AFAP1L2: variants seen among roughly 807,000 people sequenced by gnomAD.
AFAP1L2 encodes actin filament-associated protein 1-like 2.
In AFAP1L2, 46 loss-of-function variants were observed where a neutral mutation model predicts 99.3. That is an observed-to-expected ratio of 0.46 (90% CI 0.37 to 0.59). AFAP1L2 has a LOEUF of 0.59. Ranked by LOEUF, AFAP1L2 falls within the 20% of genes least tolerant of loss-of-function variation. The probability of loss-of-function intolerance (pLI) is 0.00; values close to 1 mark genes in which losing one functional copy is unlikely to be tolerated. For missense variants in AFAP1L2, 959 were observed against 1,034.9 expected, an observed-to-expected ratio of 0.93 and a Z score of 1.01; for synonymous variants, 397 against 419.1, an observed-to-expected ratio of 0.95 and a Z score of 0.64.
intron 1 of AFAP1L2, among the ~76,000 whole-genome samples, chr10:114,382,280 A>ATGAACTGGTGCTTGC (rs60605466): frequency 5.3e-5 from 8 of 152,090 alleles, no homozygotes; most frequent in Non-Finnish European, 1.0e-4. Flanking sequence ...CCAGTGATTT[A>ATGAACTGGTGCTTGC]CATATAAAGG....
chr10:114,361,471 C>G (rs538087755), intron 1 of AFAP1L2, among the ~76,000 whole-genome samples: 1 of 152,312 alleles, frequency 6.6e-6, no homozygotes, highest in South Asian at 2.1e-4. Flanking sequence ...TTAACACAGA[C>G]TCATACCCTG....
chr10:114,358,683 G>A (rs1293816575), intron 1 of AFAP1L2, among the ~76,000 whole-genome samples: 1 of 152,182 alleles, frequency 6.6e-6, no homozygotes, highest in Non-Finnish European at 1.5e-5. Context: ...GGGAGCCTGA[G>A]GTGGGTGGAT....
chr10:114,301,025 C>T (rs910449304), intron 13 of AFAP1L2, among the ~76,000 whole-genome samples: 1 of 152,180 alleles, frequency 6.6e-6, no homozygotes, highest in South Asian at 2.1e-4. Flanking sequence ...AAGTTGCCAT[C>T]GGTGTGATCA....
Position 114,295,808 on chromosome 10 carries a change from G to A in AFAP1L2, c.*234C>T. The A allele has an allele frequency of 1.5e-6, 2 of 1,342,322 alleles. No individual in the cohort carries two copies. The highest frequency in any genetic ancestry group is 1.9e-6 in the Non-Finnish European group (2 of 1,046,582). The allele number at this position is 1,342,322 out of a possible 1,614,324, so 83.2% of individuals were successfully genotyped here. On this transcript the variant is annotated 3_prime_UTR_variant, in exon 19 of 19. Transcript: ENST00000304129. Reference sequence around the variant, plus strand: ...AGAACATCCCTAAATACAACGTCTTGTTTACATCCAATAGACTTAGGTCTC... The same window carrying A: ...AGAACATCCCTAAATACAACGTCTTATTTACATCCAATAGACTTAGGTCTC...
intron 5 of AFAP1L2, among the ~76,000 whole-genome samples, chr10:114,317,581 A>G (rs985408173): frequency 2.6e-5 from 4 of 152,198 alleles, no homozygotes; most frequent in Non-Finnish European, 4.4e-5. Flanking sequence ...AGAAGGGGCC[A>G]GGCGTGGTGG....
At chr10:114,359,989 G>A (rs2052006489) in intron 1 of AFAP1L2, among the ~76,000 whole-genome samples, 1 of 152,186 alleles carries the variant, frequency 6.6e-6, no homozygotes, top group Non-Finnish European at 1.5e-5. Flanking sequence ...CAAAGAGAGT[G>A]TGATGGTTAA....
intron 1 of AFAP1L2, among the ~76,000 whole-genome samples, chr10:114,348,231 T>G (rs1427300556): frequency 6.6e-6 from 1 of 152,212 alleles, no homozygotes; most frequent in African/African-American, 2.4e-5. Flanking sequence ...ACAAAAAACT[T>G]TTTTATTGGG....
At chr10:114,305,960 GGGGGGTGC>G (rs2042272047) in intron 10 of AFAP1L2, among the ~76,000 whole-genome samples, 11 of 96,592 alleles carry the variant, frequency 1.1e-4, no homozygotes, top group Non-Finnish European at 1.5e-4. Flanking sequence ...GCAGATGCAG[GGGGGGTGC>G]AGGTACAGGA....
the AFAP1L2 span, chr10:114,289,648 C>T: frequency 2.6e-6 from 2 of 765,340 alleles, no homozygotes; most frequent in Admixed American, 2.6e-5. Flanking sequence ...CACATAAAAT[C>T]CTACAGTAGG....
At chr10:114,320,829 C>G (rs574271822) in intron 5 of AFAP1L2, among the ~76,000 whole-genome samples, 1 of 152,226 alleles carries the variant, frequency 6.6e-6, no homozygotes, top group African/African-American at 2.4e-5. Flanking sequence ...GGGAAGTGCT[C>G]ACTGCGGTGA....
intron 7 of AFAP1L2, among the ~76,000 whole-genome samples, chr10:114,312,157 G>T (rs992702110): frequency 1.3e-5 from 2 of 152,050 alleles, no homozygotes; most frequent in African/African-American, 4.8e-5. Flanking sequence ...TTTGGGGAGG[G>T]AGGCTAGGGG....
chr10:114,329,374 T>C (rs1483429003), intron 4 of AFAP1L2, among the ~76,000 whole-genome samples: 3 of 152,136 alleles, frequency 2.0e-5, no homozygotes, highest in Admixed American at 2.0e-4. Context: ...CCTCAGTCCA[T>C]GCTGTGCTTG....
chr10:114,302,178 G>A (rs933325776), intron 12 of AFAP1L2, among the ~76,000 whole-genome samples, 161 bp downstream of exon 12: 19 of 152,292 alleles, frequency 1.2e-4, no homozygotes, highest in Middle Eastern at 3.4e-3. Flanking sequence ...GCTCTTGGCC[G>A]GGCCTCCCTG....
intron 1 of AFAP1L2, among the ~76,000 whole-genome samples, chr10:114,397,445 C>T (rs898117163): frequency 9.2e-5 from 14 of 152,192 alleles, no homozygotes; most frequent in African/African-American, 3.1e-4. Flanking sequence ...GTTTTTAAGC[C>T]TTGGACTTTC....
chr10:114,306,361 A>ACGCGGG (rs2042433255), intron 10 of AFAP1L2, among the ~76,000 whole-genome samples: 2 of 129,190 alleles, frequency 1.5e-5, no homozygotes, highest in Admixed American at 7.9e-5. Flanking sequence ...GCAGGAGGGG[A>ACGCGGG]TGCGGGGGCA....
intron 1 of AFAP1L2, among the ~76,000 whole-genome samples, chr10:114,387,427 A>T (rs1179566808): frequency 6.6e-6 from 1 of 152,206 alleles, no homozygotes; most frequent in Non-Finnish European, 1.5e-5. Context: ...CATAGAACCT[A>T]ATGGCAGCAT....
Position 114,301,383 on chromosome 10 carries a change from C to T in AFAP1L2, c.1513G>A (p.Asp505Asn), listed in dbSNP as rs760387221. The T allele has an allele frequency of 1.3e-5, 21 of 1,614,214 alleles. No individual in the cohort carries two copies. Among genetic ancestry groups the T allele is most frequent in the Middle Eastern group, 1.6e-4 (1 of 6,062 alleles). The change falls in exon 13 of 19, where the codon GAC becomes AAC. Residue 505 changes from aspartate (D) to asparagine (N), a missense_variant. Physicochemically the swap from Asp to Asn is conservative, Grantham distance 23. Coordinates refer to ENST00000304129, the MANE Select transcript of AFAP1L2 (RefSeq NM_001001936.3). ...GCTGTGAGCTCTGACAGGTCCACGT[C>T]GTCATACAGCTCCTCCTGGCGGTCC... ...SQDRQEELYDDVDLSELTAAV... is the reference protein window; with the variant it reads ...SQDRQEELYDNVDLSELTAAV...
chr10:114,285,069 T>C, the AFAP1L2 span: 1 of 1,001,872 alleles, frequency 1.0e-6, no homozygotes, highest in Non-Finnish European at 1.4e-6. Context: ...GGGTAGAAAC[T>C]GGCCCTTGAA....
intron 11 of AFAP1L2, 107 bp from the exon 12 acceptor site, chr10:114,302,591 A>G: frequency 7.0e-7 from 1 of 1,427,140 alleles, no homozygotes; most frequent in Non-Finnish European, 9.5e-7. Flanking sequence ...CCTGCCCACG[A>G]AAGCCTCTGT....
Sources: gnomAD v4.1 joint callset for allele counts (sites outside exome capture counted in the v4.1 genomes callset) on GRCh38, gnomAD v4.1.1 for gene constraint, MANE v1.5 for transcripts, NCBI Gene and HGNC (gene_info 2026-07-23, HGNC 2026-07-21) for gene names.